Variants in PCDHA3 observed in about 807,000 individuals in gnomAD.
PCDHA3 encodes protocadherin alpha-3.
Under a neutral mutation model 62.2 loss-of-function variants are expected in PCDHA3, and 41 were observed. The ratio of observed to expected loss-of-function variants is 0.66; its 90% CI spans 0.51 to 0.86. The LOEUF is 0.86. PCDHA3 is among the 40% of genes least tolerant of loss of function. The pLI, the probability that PCDHA3 is intolerant of heterozygous loss-of-function variation, is 0.00. For synonymous variants in PCDHA3, 640 were observed against 555.4 expected (o/e 1.15, Z -2.14); for missense variants, 1,304 against 1,241.2 (o/e 1.05, Z -0.76).
rs1554206636 is a variant in PCDHA3, at chr5:140,929,056, A to G, written c.2395-49893A>G. The G allele has an allele frequency of 1.2e-6, 2 of 1,614,064 alleles. No individual in the cohort carries two copies. Among genetic ancestry groups the G allele is most frequent in the Non-Finnish European group, 1.7e-6 (2 of 1,180,034 alleles). On this transcript the variant is annotated intron_variant, in intron 1 of 3. Transcript: ENST00000522353. ...TTGCGCTCAGAGCTGCTGTCGCTCTACAGAGGATCTGAGGTATGGAAGTAA... is the reference window on the plus strand; with the variant it reads ...TTGCGCTCAGAGCTGCTGTCGCTCTGCAGAGGATCTGAGGTATGGAAGTAA...
At chr5:140,940,271 T>C (rs1371680526) in intron 1 of PCDHA3, among the ~76,000 whole-genome samples, 1 of 152,228 alleles carries the variant, frequency 6.6e-6, no homozygotes, top group East Asian at 1.9e-4. Context: ...GGTTCCACTG[T>C]TGTCTCATTG....
At chr5:140,816,402 T>C (rs2126671335) in intron 1 of PCDHA3, 3 of 152,218 alleles carry the variant, frequency 2.0e-5, no homozygotes, top group Admixed American at 6.5e-5. Context: ...TGCTTATGCA[T>C]TATTTTCCTG....
intron 1 of PCDHA3, among the ~76,000 whole-genome samples, chr5:140,913,649 T>A (rs1284685382): frequency 1.3e-5 from 2 of 152,166 alleles, no homozygotes; most frequent in Non-Finnish European, 2.9e-5. Flanking sequence ...TTTCTAGTTC[T>A]TTAAGATGTA....
chr5:140,976,453 G>A (rs1554237653), intron 1 of PCDHA3, among the ~76,000 whole-genome samples: 1 of 152,032 alleles, frequency 6.6e-6, no homozygotes, highest in Admixed American at 6.6e-5. Flanking sequence ...AGGGAGGCTG[G>A]GGAAGAAGAA....
intron 1 of PCDHA3, among the ~76,000 whole-genome samples, chr5:140,838,075 ATAGTGTGTGTGT>A (rs1392208969): frequency 0.058 from 7,390 of 128,196 alleles, 326 homozygotes; most frequent in Middle Eastern, 0.092. Flanking sequence ...TTATATATAT[ATAGTGTGTGTGT>A]GTGTGTGTGT....
At position 140,807,296 on chromosome 5, in the gene PCDHA3, G is replaced by A. The variant is rs528454810; in HGVS notation, c.2394+3705G>A. 2.2e-5 allele frequency: 36 copies of A among 1,614,062 alleles called. No individual in the cohort carries two copies. The East Asian group carries it at 4.0e-4, about 18-fold the overall frequency. ...CGGTCAGCTCCACTACTCGGTCTCCGAGGAGGCCAAACACGGCACCTTCGT... is the reference window on the plus strand; with the variant it reads ...CGGTCAGCTCCACTACTCGGTCTCCAAGGAGGCCAAACACGGCACCTTCGT... On this transcript the variant is annotated intron_variant, in intron 1 of 3. Coordinates refer to ENST00000522353, the MANE Select transcript of PCDHA3 (RefSeq NM_018906.3).
chr5:140,823,060 G>C (rs1229529443), intron 1 of PCDHA3: 7 of 1,614,020 alleles, frequency 4.3e-6, no homozygotes, highest in African/African-American at 2.7e-5. Context: ...CGCGCGGGAC[G>C]GGGGCTCGCC....
Position 140,982,346 on chromosome 5 carries a change from G to T in PCDHA3, c.2454-129G>T, listed in dbSNP as rs1484322650. On this transcript the variant is annotated intron_variant, in intron 2 of 3. Coordinates refer to ENST00000522353, the MANE Select transcript of PCDHA3 (RefSeq NM_018906.3). ...TGACTGCTCAGCAGTAATTGCTTCA[G>T]TTCAAGCATGAGCAGAATGTGTTAG... 2.7e-6 allele frequency: 4 copies of T among 1,492,344 alleles called. No homozygotes were observed. The Admixed American group carries it at 8.5e-5, about 32-fold the overall frequency. The allele number at this position is 1,492,344 out of a possible 1,614,324, so 92.4% of individuals were successfully genotyped here. A position where few individuals can be genotyped will look rare whatever the true frequency, so the allele number is the denominator to read the frequency against.
chr5:140,835,632 A>G (rs2150240011), intron 1 of PCDHA3: 1 of 1,613,722 alleles, frequency 6.2e-7, no homozygotes. Flanking sequence ...GGACCGCGAG[A>G]GTGTGTCCGC....
rs2150264019 is a variant in PCDHA3 at position 140,836,559 on chromosome 5, C to T, written c.2394+32968C>T. ...GTACACGGCGTTGCGGTGCTCAGCG[C>T]CGTCCTCTGAGGGCGCATGTAGTTT... On this transcript the variant is annotated intron_variant, in intron 1 of 3. Coordinates refer to ENST00000522353, the MANE Select transcript of PCDHA3 (RefSeq NM_018906.3). The T allele has an allele frequency of 2.8e-5, 45 of 1,613,622 alleles. No individual in the cohort carries two copies. Among genetic ancestry groups the T allele is most frequent in the Non-Finnish European group, 3.6e-5 (43 of 1,179,846 alleles).
chr5:140,876,738 G>C, intron 1 of PCDHA3: 2 of 1,614,264 alleles, frequency 1.2e-6, no homozygotes, highest in Non-Finnish European at 1.7e-6. Flanking sequence ...CGGCCTATGA[G>C]CTGGTGGTGA....
rs201064172 is a variant in PCDHA3 at position 140,856,130 on chromosome 5, G to T, written c.2394+52539G>T. Reference sequence around the variant, plus strand: ...CCTCGCAGCCTGGGAGGTGGGGAGCGGCCAGCTCCACTACTCAGTCTACGA... The same window carrying T: ...CCTCGCAGCCTGGGAGGTGGGGAGCTGCCAGCTCCACTACTCAGTCTACGA... On this transcript the variant is annotated intron_variant, in intron 1 of 3. Coordinates refer to ENST00000522353, the MANE Select transcript of PCDHA3 (RefSeq NM_018906.3). 2.5e-4 allele frequency: 403 copies of T among 1,597,952 alleles called. 51 individuals carry two copies. Among genetic ancestry groups the T allele is most frequent in the Non-Finnish European group, 3.0e-4 (350 of 1,167,798 alleles).
intron 1 of PCDHA3, chr5:140,850,650 A>C (rs2150492229): frequency 6.3e-7 from 1 of 1,598,426 alleles, no homozygotes; most frequent in East Asian, 2.2e-5. Flanking sequence ...GCTGCTGTAC[A>C]CTGTGCTGCG....
chr5:140,835,866 G>T (rs2150246890), intron 1 of PCDHA3: 3 of 1,612,132 alleles, frequency 1.9e-6, no homozygotes, highest in Admixed American at 3.3e-5. Context: ...CTACTCGCTG[G>T]TGGAGCTGCG....
At chr5:140,823,803 G>A in intron 1 of PCDHA3, 4 of 1,613,842 alleles carry the variant, frequency 2.5e-6, no homozygotes, top group South Asian at 1.1e-5. Flanking sequence ...AGGCGCCGAA[G>A]GCCTCATCGC....
rs782154101 is a variant in PCDHA3, at chr5:140,809,372, G to C, written c.2394+5781G>C. On this transcript the variant is annotated intron_variant, in intron 1 of 3. Coordinates refer to ENST00000522353, the MANE Select transcript of PCDHA3 (RefSeq NM_018906.3). ...GCTGCGGTGCTCTGCGCTGCCCACCGAGGGCGCGTGCGCTCCGGGCAAGCC... is the reference window on the plus strand; with the variant it reads ...GCTGCGGTGCTCTGCGCTGCCCACCCAGGGCGCGTGCGCTCCGGGCAAGCC... 5.0e-6 allele frequency: 8 copies of C among 1,614,010 alleles called. No individual in the cohort carries two copies. The East Asian group carries it at 6.7e-5, about 13-fold the overall frequency.
chr5:140,945,887 A>G (rs1291923718), intron 1 of PCDHA3, among the ~76,000 whole-genome samples: 2 of 152,132 alleles, frequency 1.3e-5, no homozygotes, highest in Admixed American at 1.3e-4. Flanking sequence ...AACAAAGAAA[A>G]CACAGTGGGA....
At chr5:140,876,324 T>A in intron 1 of PCDHA3, 1 of 1,614,000 alleles carries the variant, frequency 6.2e-7, no homozygotes, top group Non-Finnish European at 8.5e-7. Context: ...TCAAAATGAT[T>A]TTGCCAGTGA....
chr5:140,936,987 T>A (rs996790487), intron 1 of PCDHA3, among the ~76,000 whole-genome samples: 1 of 152,170 alleles, frequency 6.6e-6, no homozygotes, highest in Non-Finnish European at 1.5e-5. Flanking sequence ...CTTGTTAACA[T>A]TGACAATATT....
Sources: allele counts gnomAD v4.1 joint callset (sites outside exome capture counted in the v4.1 genomes callset), GRCh38; gene constraint gnomAD v4.1.1; transcripts MANE v1.5; gene names NCBI Gene and HGNC (gene_info 2026-07-23, HGNC 2026-07-21).